DAW1: variants seen among roughly 807,000 people sequenced by gnomAD.
DAW1 encodes the protein dynein assembly factor with WD repeat domains 1.
DAW1 carries 47 observed loss-of-function variants against 56.5 expected under a neutral mutation model. The ratio of observed to expected loss-of-function variants is 0.83; its 90% CI spans 0.66 to 1.06. DAW1 has a LOEUF of 1.06. DAW1 is among the 50% of genes least tolerant of loss of function. The pLI is 0.00. For synonymous variants in DAW1, 190 were observed against 179.0 expected (o/e 1.06, Z -0.49); for missense variants, 505 against 499.3 (o/e 1.01, Z -0.11).
intron 1 of DAW1, chr2:227,872,275 C>CAAAAAAAAAAAAAAAAAAAAA (rs770519868): frequency 2.2e-5 from 1 of 45,128 alleles, no homozygotes; most frequent in African/African-American, 8.2e-5. Context: ...GAAACATCTG[C>CAAAAAAAAAAAAAAAAAAAAA]AAAAAAAAAA....
intron 4 of DAW1, 97 bp from the exon 5 acceptor site, chr2:227,893,698 C>T: frequency 6.9e-7 from 1 of 1,452,242 alleles, no homozygotes; most frequent in Non-Finnish European, 9.2e-7. Flanking sequence ...AAACAAACAG[C>T]ATAATAAATA....
chr2:227,892,507 A>T (rs548831391), intron 4 of DAW1, among the ~76,000 whole-genome samples: 1 of 152,196 alleles, frequency 6.6e-6, no homozygotes, highest in African/African-American at 2.4e-5. Flanking sequence ...GTTCTGGGGG[A>T]TTATGACTTC....
At chr2:227,885,763 A>G (rs936951857) in intron 2 of DAW1, among the ~76,000 whole-genome samples, 1 of 152,148 alleles carries the variant, frequency 6.6e-6, no homozygotes, top group African/African-American at 2.4e-5. Context: ...ATTTATTAGG[A>G]TTAATGAACC....
intron 10 of DAW1, among the ~76,000 whole-genome samples, chr2:227,913,668 A>G (rs1691881050): frequency 6.6e-6 from 1 of 152,166 alleles, no homozygotes; most frequent in East Asian, 1.9e-4. Context: ...ACCATGTGAT[A>G]CTATACATGT....
In DAW1 at chr2:227,917,502, C is replaced by T. The variant is rs1315794527; in HGVS notation, c.974-1278C>T. The stretch of plus-strand genomic sequence containing the variant: ...GTCTCGATCTCCTGACCTCGTGATC[C>T]TCCCGCCTCGGCCTCCCAAAGTGCT... On this transcript the variant is annotated intron_variant, in intron 10 of 12. Transcript: ENST00000309931. Among the ~76,000 whole-genome samples, 10 of 152,016 alleles carry T rather than the reference C, an allele frequency of 6.6e-5. No homozygotes were observed. In the South Asian group the frequency reaches 1.7e-3, roughly 25 times the overall value.
At chr2:227,918,110 T>TTCCATCCATTTCTCCATCCA (rs1559315091) in intron 10 of DAW1, among the ~76,000 whole-genome samples, 1 of 131,352 alleles carries the variant, frequency 7.6e-6, no homozygotes, top group Admixed American at 7.6e-5. Context: ...ATAGTACTTA[T>TTCCATCCATTTCTCCATCCA]TCCATCCATT....
chr2:227,911,008 T>C (rs978842719), intron 10 of DAW1, among the ~76,000 whole-genome samples: 2 of 151,962 alleles, frequency 1.3e-5, no homozygotes, highest in Admixed American at 6.6e-5. Flanking sequence ...TGATAACATA[T>C]AACACCGCCC....
chr2:227,921,657 C>A, intron 12 of DAW1, 96 bp downstream of exon 12: 2 of 1,344,080 alleles, frequency 1.5e-6, no homozygotes, highest in Non-Finnish European at 2.0e-6. Flanking sequence ...CCATTCCCTA[C>A]CTCTTTTCTG....
chr2:227,921,372 G>A, intron 11 of DAW1, 27 bp from the exon 12 acceptor site: 1 of 1,047,290 alleles, frequency 9.5e-7, no homozygotes, highest in Non-Finnish European at 1.3e-6. Context: ...ACACAAAGCT[G>A]TGATCATTTT....
intron 1 of DAW1, among the ~76,000 whole-genome samples, chr2:227,883,255 C>T (rs1465592964): frequency 6.6e-6 from 1 of 152,162 alleles, no homozygotes; most frequent in Non-Finnish European, 1.5e-5. Context: ...CTTTTGTTTA[C>T]CACCATAATC....
At chr2:227,889,211 G>C (rs2106193475) in intron 2 of DAW1, among the ~76,000 whole-genome samples, 1 of 152,286 alleles carries the variant, frequency 6.6e-6, no homozygotes, top group Non-Finnish European at 1.5e-5. Flanking sequence ...CTTCCTAGGT[G>C]TCTTCATTCA....
chr2:227,903,461 A>C (rs1224734403), intron 7 of DAW1, among the ~76,000 whole-genome samples: 2 of 152,204 alleles, frequency 1.3e-5, no homozygotes, highest in Non-Finnish European at 2.9e-5. Context: ...GACTGTGAGC[A>C]CACTCTCCTC....
chr2:227,884,103 A>G (rs1296252007), intron 1 of DAW1, among the ~76,000 whole-genome samples: 2 of 152,182 alleles, frequency 1.3e-5, no homozygotes, highest in African/African-American at 2.4e-5. Flanking sequence ...TCCATCTTCA[A>G]GTTCACAGAT....
chr2:227,918,834 G>C lies in DAW1; in HGVS notation c.1028G>C (p.Gly343Ala). Reference protein sequence around the residue: ...ATRKCIAKLEGHEGEISKISF... With the variant: ...ATRKCIAKLEAHEGEISKISF... ...AGAAAATGCATTGCCAAACTGGAAG[G>C]TCATGAAGGTGAAATTTCAAAGGTG... Residue 343 changes from glycine to alanine, a missense_variant, in exon 11 of 13, where the codon GGT becomes GCT. Transcript: ENST00000309931. 1 of 1,614,100 alleles carries C rather than the reference G, an allele frequency of 6.2e-7. No homozygotes were observed. Among genetic ancestry groups the C allele is most frequent in the East Asian group, 2.2e-5 (1 of 44,878 alleles).
At chr2:227,904,629 CTTTT>C (rs1460795033) in intron 7 of DAW1, among the ~76,000 whole-genome samples, 2 of 152,164 alleles carry the variant, frequency 1.3e-5, no homozygotes, top group Non-Finnish European at 2.9e-5. Context: ...CAACCTCTTT[CTTTT>C]GTTTTTAATC....
chr2:227,894,284 C>T (rs144327348), intron 5 of DAW1, among the ~76,000 whole-genome samples: 7 of 151,970 alleles, frequency 4.6e-5, no homozygotes, highest in African/African-American at 9.7e-5. Flanking sequence ...TGTATGGTGG[C>T]GCATGCCTGT....
intron 12 of DAW1, among the ~76,000 whole-genome samples, chr2:227,921,978 C>A (rs1299720067): frequency 6.6e-6 from 1 of 152,098 alleles, no homozygotes; most frequent in Non-Finnish European, 1.5e-5. Flanking sequence ...ATAGTGAGAC[C>A]CCGTCTCTAC....
intron 5 of DAW1, 129 bp downstream of exon 5, chr2:227,894,046 T>A: frequency 2.1e-6 from 2 of 940,344 alleles, no homozygotes; most frequent in Non-Finnish European, 3.0e-6. Context: ...GGAAGCCTTT[T>A]AAATACCTCC....
chr2:227,892,822 G>A (rs1205040741), intron 4 of DAW1, among the ~76,000 whole-genome samples: 1 of 152,064 alleles, frequency 6.6e-6, no homozygotes, highest in Non-Finnish European at 1.5e-5. Flanking sequence ...TACTTTTGAA[G>A]CAATATTTTG....
Sources: gnomAD v4.1 joint callset for allele counts (sites outside exome capture counted in the v4.1 genomes callset) on GRCh38, gnomAD v4.1.1 for gene constraint, MANE v1.5 for transcripts, NCBI Gene and HGNC (gene_info 2026-07-23, HGNC 2026-07-21) for gene names.